Variants in CCDC57 observed in about 807,000 individuals in gnomAD.
CCDC57 encodes the protein coiled-coil domain-containing protein 57.
Under a neutral mutation model 118.9 loss-of-function variants are expected in CCDC57, and 118 were observed. The observed-to-expected ratio is 0.99, with a 90% CI of 0.86 to 1.16. The LOEUF (loss-of-function observed/expected upper bound fraction) is 1.16. Among genes scored for constraint, CCDC57 ranks in the 50% most tolerant of loss-of-function variants. The pLI is 0.00. For missense variants in CCDC57, 1,300 were observed against 1,320.7 expected (o/e 0.98, Z 0.24); for synonymous variants, 527 against 532.9 (o/e 0.99, Z 0.15).
chr17:82,174,472 G>A (rs8077130), intron 11 of CCDC57, among the ~76,000 whole-genome samples: 72,562 of 152,082 alleles, frequency 0.48, 18,120 homozygotes, highest in East Asian at 0.88. Context: ...TGGGAAAGCC[G>A]GACAAACTCC....
chr17:82,160,605 T>C (rs2043201354), intron 14 of CCDC57, among the ~76,000 whole-genome samples: 1 of 151,994 alleles, frequency 6.6e-6, no homozygotes, highest in Admixed American at 6.5e-5. Context: ...CCAGGTGCAG[T>C]GGCTCATACC....
At position 82,212,025 on chromosome 17, in the gene CCDC57, C is replaced by G. The variant is rs1446978795; in HGVS notation, c.-211+760G>C. Among the ~76,000 whole-genome samples the G allele has an allele frequency of 6.6e-6, 1 of 152,212 alleles. No individual in the cohort carries two copies. Among genetic ancestry groups the G allele is most frequent in the Non-Finnish European group, 1.5e-5 (1 of 68,036 alleles). Reference sequence around the variant, plus strand: ...ATCGCTTCAGCTAGCCTCCCCTCCTCTATTTAGACCAAGGTATCAAAAGAA... The same window carrying G: ...ATCGCTTCAGCTAGCCTCCCCTCCTGTATTTAGACCAAGGTATCAAAAGAA... On this transcript the variant is annotated intron_variant, in intron 1 of 19. Coordinates refer to ENST00000665763, the Ensembl canonical transcript of CCDC57. The surrounding 1 kb of genome is among the most constrained non-coding windows in gnomAD (Gnocchi z 4.1).
In CCDC57 at chr17:82,118,782, T is replaced by C. The variant is rs144004752; in HGVS notation, c.2899+8910A>G. ...TTGTTGTGCTGCTGAAGAATATCTT[T>C]CCAGTTTGATGATTTTTCAGGTAAA... On this transcript the variant is annotated intron_variant, in intron 19 of 19. Transcript: ENST00000665763. This position sits in a 1 kb window ranked among gnomAD's most constrained non-coding sequence, Gnocchi z 4.7. Among the ~76,000 whole-genome samples, 33 of 152,166 alleles carry C rather than the reference T, an allele frequency of 2.2e-4. No homozygotes were observed. Among genetic ancestry groups the C allele is most frequent in the African/African-American group, 6.7e-4 (28 of 41,508 alleles).
chr17:82,207,063 G>A (rs534048961), intron 2 of CCDC57, among the ~76,000 whole-genome samples: 9 of 152,296 alleles, frequency 5.9e-5, no homozygotes, highest in African/African-American at 2.2e-4. Context: ...ATGGTTTAGG[G>A]CCAGGTGCAG....
intron 1 of CCDC57, among the ~76,000 whole-genome samples, chr17:82,209,383 CA>C (rs1192139496): frequency 1.3e-5 from 2 of 152,184 alleles, no homozygotes; most frequent in East Asian, 1.9e-4. Flanking sequence ...CAACAAAAAA[CA>C]AAAAAACTTA....
At chr17:82,176,517 C>A (rs10852793) in intron 11 of CCDC57, among the ~76,000 whole-genome samples, 1 of 152,020 alleles carries the variant, frequency 6.6e-6, no homozygotes, top group African/African-American at 2.4e-5. Flanking sequence ...CTGTCTACCC[C>A]CACAGCCACA....
intron 16 of CCDC57, among the ~76,000 whole-genome samples, chr17:82,146,147 G>A (rs1471116647): frequency 6.6e-6 from 1 of 152,226 alleles, no homozygotes; most frequent in Admixed American, 6.5e-5. Flanking sequence ...GACTAGAGAA[G>A]CATCTAGAAA....
intron 13 of CCDC57, 54 bp downstream of exon 12, chr17:82,171,647 T>C: frequency 6.4e-7 from 1 of 1,572,014 alleles, no homozygotes; most frequent in Non-Finnish European, 8.7e-7. Context: ...TTTGCAGGGG[T>C]CAGATTTCAG....
chr17:82,101,959 G>A (rs904415956), intron 19 of CCDC57, 93 bp from the exon 19 acceptor site: 55 of 1,260,312 alleles, frequency 4.4e-5, no homozygotes, highest in Non-Finnish European at 5.4e-5. Flanking sequence ...CAGCACTTCC[G>A]TGTTCCCGGC....
At chr17:82,173,566 C>A (rs995955169) in intron 11 of CCDC57, among the ~76,000 whole-genome samples, 1 of 152,156 alleles carries the variant, frequency 6.6e-6, no homozygotes, top group Admixed American at 6.5e-5. Flanking sequence ...GAAAGCCACA[C>A]ATCACAGATG....
chr17:82,184,035 A>ACACG (rs2046621466), intron 8 of CCDC57, 103 bp from the exon 8 acceptor site: 5 of 233,892 alleles, frequency 2.1e-5, no homozygotes, highest in Admixed American at 1.8e-4. Context: ...GCGCGCGCAC[A>ACACG]CACACACACA....
At chr17:82,148,171 A>G (rs2041138976) in intron 16 of CCDC57, among the ~76,000 whole-genome samples, 1 of 96,128 alleles carries the variant, frequency 1.0e-5, no homozygotes, top group Non-Finnish European at 2.1e-5. Flanking sequence ...GGATGGATGA[A>G]TAGATAGGTG....
chr17:82,101,685 G>A (rs375286189), exon 20 of CCDC57: 83 of 1,603,544 alleles, frequency 5.2e-5, no homozygotes, highest in African/African-American at 1.3e-5. Flanking sequence ...GAGGAAGTCA[G>A]TCCATAATGT....
At chr17:82,162,269 G>A (rs1350595512) in intron 14 of CCDC57, among the ~76,000 whole-genome samples, 2 of 152,200 alleles carry the variant, frequency 1.3e-5, no homozygotes, top group African/African-American at 4.8e-5. Context: ...GCCTCCCAAA[G>A]TGCTGGGATT....
Position 82,127,101 on chromosome 17 carries a change from G to A in CCDC57, c.2899+591C>T, listed in dbSNP as rs904356142. On this transcript the variant is annotated intron_variant, in intron 19 of 19. Coordinates refer to ENST00000665763, the Ensembl canonical transcript of CCDC57. ...AAACTTCCTGAGACCAGTAGCAGGA[G>A]CTGGCACTGTGACCTGCTGAGTTTA... is the stretch of plus-strand genomic sequence containing the variant. 55 of 985,346 alleles carry A rather than the reference G, an allele frequency of 5.6e-5. No homozygotes were observed. In the African/African-American group the frequency reaches 9.3e-4, roughly 17 times the overall value. 61.0% of individuals were successfully genotyped at this position (985,346 alleles called of 1,614,324 possible).
intron 16 of CCDC57, among the ~76,000 whole-genome samples, chr17:82,138,309 T>C (rs11656475): frequency 0.98 from 148,851 of 151,258 alleles, 73,293 homozygotes; most frequent in South Asian, 1. Context: ...CCACCACGCC[T>C]GGCTAATTTT....
intron 8 of CCDC57, among the ~76,000 whole-genome samples, chr17:82,184,758 G>A (rs930621877): frequency 6.6e-6 from 1 of 152,196 alleles, no homozygotes; most frequent in African/African-American, 2.4e-5. Context: ...AGCATGAGTG[G>A]TGCACTCAAG....
chr17:82,151,853 T>C, intron 15 of CCDC57, 80 bp from the exon 15 acceptor site: 1 of 1,227,862 alleles, frequency 8.1e-7, no homozygotes. Flanking sequence ...CCAAGGAGCC[T>C]CTTCACCTGC....
rs577539414 is a variant in CCDC57 at position 82,201,501 on chromosome 17, G to A, written c.407+37C>T. The A allele has an allele frequency of 1.2e-4, 177 of 1,526,356 alleles. 3 individuals carry two copies. In the South Asian group the frequency reaches 2.1e-3, roughly 18 times the overall value. The allele number at this position is 1,526,356 out of a possible 1,614,324, so 94.6% of individuals were successfully genotyped here. ...AGGAGGCATGTGGGGGCCTCTGCCA[G>A]GCACTGCACAGGAGGGCGCGTCGGT... On this transcript the variant is annotated intron_variant, in intron 3 of 19. Transcript: ENST00000665763.
Sources: gnomAD v4.1 joint callset for allele counts (sites outside exome capture counted in the v4.1 genomes callset) on GRCh38, gnomAD v4.1.1 for gene constraint, Gnocchi (gnomAD v3.1) non-coding constraint, MANE v1.5 for transcripts, NCBI Gene and HGNC (gene_info 2026-07-23, HGNC 2026-07-21) for gene names.